The following ROBO1 variants were observed in gnomAD, a reference collection of about 807,000 sequenced individuals.
ROBO1 encodes the protein roundabout homolog 1.
A neutral mutation model predicts 195.9 loss-of-function variants in ROBO1; 149 were observed. The ratio of observed to expected loss-of-function variants is 0.76; its 90% CI spans 0.67 to 0.87. ROBO1 has a LOEUF of 0.87. ROBO1 is among the 40% of genes least tolerant of loss of function. The pLI is 0.00. For synonymous variants in ROBO1, 816 were observed against 733.2 expected (o/e 1.11, Z -1.82); for missense variants, 1,933 against 2,068.3 (o/e 0.93, Z 1.27).
At chr3:79,647,818 T>C (rs1009056661) in intron 1 of ROBO1, among the ~76,000 whole-genome samples, 1 of 152,096 alleles carries the variant, frequency 6.6e-6, no homozygotes, top group Admixed American at 6.6e-5. Context: ...TATTTTGCTA[T>C]AATGTTGATG....
chr3:79,290,945 C>T lies in ROBO1; in HGVS notation c.89-165406G>A, dbSNP rs948099145. ...TCTATATTTTCTCCTTACACTATCT[C>T]TTGCCATTATCCTGAGGGATTTCAA... On this transcript the variant is annotated intron_variant, in intron 2 of 30. Transcript: ENST00000464233. Among the ~76,000 whole-genome samples the T allele has an allele frequency of 7.2e-5, 11 of 152,300 alleles. 1 individual carries two copies. In the South Asian group the frequency reaches 2.3e-3, roughly 32 times the overall value.
intron 26 of ROBO1, among the ~76,000 whole-genome samples, chr3:78,624,208 A>G (rs1704620739): frequency 6.6e-6 from 1 of 152,156 alleles, no homozygotes; most frequent in Non-Finnish European, 1.5e-5. Context: ...GATTGAAAGG[A>G]TCTTTATTGA....
chr3:79,416,647 A>G, intron 2 of ROBO1, among the ~76,000 whole-genome samples: 1 of 151,828 alleles, frequency 6.6e-6, no homozygotes, highest in Non-Finnish European at 1.5e-5. Flanking sequence ...AAAAGAAAAC[A>G]AAAGAAAGGG....
chr3:78,793,765 T>C (rs1440673429), intron 4 of ROBO1, among the ~76,000 whole-genome samples: 1 of 152,122 alleles, frequency 6.6e-6, no homozygotes, highest in East Asian at 1.9e-4. Context: ...GTTTTTTTTT[T>C]TAATTTTGAG....
chr3:78,850,713 G>A (rs184268925), intron 4 of ROBO1, among the ~76,000 whole-genome samples: 6 of 152,240 alleles, frequency 3.9e-5, no homozygotes, highest in African/African-American at 7.2e-5. Flanking sequence ...GTACAAGGAC[G>A]TCAAACAGAA....
At chr3:78,664,827 C>G (rs1707639358) in intron 14 of ROBO1, among the ~76,000 whole-genome samples, 1 of 152,152 alleles carries the variant, frequency 6.6e-6, no homozygotes. Context: ...TCTGGTCCCT[C>G]CAGTGAAATA....
intron 4 of ROBO1, among the ~76,000 whole-genome samples, chr3:78,927,337 G>A (rs1356484222): frequency 6.6e-6 from 1 of 152,118 alleles, no homozygotes; most frequent in Non-Finnish European, 1.5e-5. Context: ...ATCCAAACCT[G>A]AGATACCAAG....
At chr3:79,238,867 C>A (rs532197885) in intron 2 of ROBO1, among the ~76,000 whole-genome samples, 1 of 152,230 alleles carries the variant, frequency 6.6e-6, no homozygotes, top group Non-Finnish European at 1.5e-5. Context: ...CTGTCACTTG[C>A]ACAATCCCAA....
chr3:79,128,340 T>A (rs1414951256), intron 2 of ROBO1, among the ~76,000 whole-genome samples: 1 of 152,134 alleles, frequency 6.6e-6, no homozygotes, highest in Non-Finnish European at 1.5e-5. Context: ...ACCCCCATTA[T>A]AATCTAAATT....
At chr3:79,636,213 G>T (rs542119500) in intron 1 of ROBO1, among the ~76,000 whole-genome samples, 6 of 152,210 alleles carry the variant, frequency 3.9e-5, no homozygotes, top group African/African-American at 1.4e-4. Context: ...CAGAAACCCT[G>T]ATTTAACATT....
At chr3:79,416,768 C>T (rs997007837) in intron 2 of ROBO1, among the ~76,000 whole-genome samples, 1 of 152,076 alleles carries the variant, frequency 6.6e-6, no homozygotes, top group Non-Finnish European at 1.5e-5. Flanking sequence ...CTTCTTGAGG[C>T]GAGGCATCTC....
At chr3:79,143,413 G>T (rs2108618138) in intron 2 of ROBO1, among the ~76,000 whole-genome samples, 1 of 151,994 alleles carries the variant, frequency 6.6e-6, no homozygotes, top group East Asian at 1.9e-4. Flanking sequence ...AAATAACACA[G>T]GAAATAAAAA....
chr3:79,603,617 G>T (rs940771361), intron 1 of ROBO1, among the ~76,000 whole-genome samples: 2 of 151,972 alleles, frequency 1.3e-5, no homozygotes, highest in African/African-American at 2.4e-5. Context: ...AAATAAAGAG[G>T]ATACTAAAAC....
At chr3:78,688,943 A>G (rs758992700) in intron 8 of ROBO1, among the ~76,000 whole-genome samples, 171 bp from the exon 9 acceptor site, 3 of 152,370 alleles carry the variant, frequency 2.0e-5, no homozygotes, top group South Asian at 2.1e-4. Flanking sequence ...TTAAGTTCAT[A>G]GTTAGAAAAT....
At chr3:79,450,707 G>A (rs1358351273) in intron 2 of ROBO1, among the ~76,000 whole-genome samples, 1 of 151,682 alleles carries the variant, frequency 6.6e-6, no homozygotes, top group Non-Finnish European at 1.5e-5. Flanking sequence ...TAAGAAAGAT[G>A]AACAACTAAA....
chr3:79,337,567 C>A (rs79468872), intron 2 of ROBO1, among the ~76,000 whole-genome samples: 1 of 152,184 alleles, frequency 6.6e-6, no homozygotes, highest in Non-Finnish European at 1.5e-5. Context: ...GTCAATTAAA[C>A]CTCTTTCCTT....
chr3:79,156,363 G>A (rs2080858083), intron 2 of ROBO1, among the ~76,000 whole-genome samples: 1 of 151,056 alleles, frequency 6.6e-6, no homozygotes, highest in Non-Finnish European at 1.5e-5. Context: ...AGTATTTATT[G>A]GCTATAGATT....
At chr3:79,608,443 G>T (rs1347512817) in intron 1 of ROBO1, among the ~76,000 whole-genome samples, 2 of 151,938 alleles carry the variant, frequency 1.3e-5, no homozygotes, top group African/African-American at 4.8e-5. Flanking sequence ...GTCACTATGA[G>T]TATGAGAAAA....
intron 2 of ROBO1, among the ~76,000 whole-genome samples, chr3:79,532,046 T>C (rs1941683102): frequency 6.6e-6 from 1 of 152,080 alleles, no homozygotes. Flanking sequence ...GTGGATCATT[T>C]AGTCAAGGTA....
Sources: gnomAD v4.1 joint callset for allele counts (sites outside exome capture counted in the v4.1 genomes callset) on GRCh38, gnomAD v4.1.1 for gene constraint, MANE v1.5 for transcripts, NCBI Gene and HGNC (gene_info 2026-07-23, HGNC 2026-07-21) for gene names.